The following MMS22L variants were observed in gnomAD, a reference collection of about 807,000 sequenced individuals.
MMS22L encodes protein MMS22-like.
A neutral mutation model predicts 159.1 loss-of-function variants in MMS22L; 74 were observed. That is an observed-to-expected ratio of 0.47 (90% CI 0.39 to 0.56). The LOEUF is 0.56. Among genes scored for constraint, MMS22L ranks in the 20% least tolerant of loss-of-function variants. The pLI, the probability that MMS22L is intolerant of heterozygous loss-of-function variation, is 0.00. For synonymous variants in MMS22L, 517 were observed against 506.9 expected, an observed-to-expected ratio of 1.02 and a Z score of -0.27; for missense variants, 1,351 against 1,422.1, an observed-to-expected ratio of 0.95 and a Z score of 0.80.
At position 97,165,440 on chromosome 6, in the gene MMS22L, A is replaced by G; in HGVS notation, c.3027T>C (p.Cys1009=). 1 of 1,612,162 alleles carries G rather than the reference A, an allele frequency of 6.2e-7. No homozygotes were observed. Among genetic ancestry groups the G allele is most frequent in the Non-Finnish European group, 8.5e-7 (1 of 1,179,192 alleles). The change falls in exon 21 of 25, where the codon TGT becomes TGC. Residue 1009 remains cysteine (C), a synonymous_variant. Coordinates refer to ENST00000683635, the MANE Select transcript of MMS22L (RefSeq NM_001350599.2). Reference sequence around the variant, plus strand: ...AGGCATTCGGATTTTGAGATTGACAACACACGATACACATGCCCTACAAGG... The same window carrying G: ...AGGCATTCGGATTTTGAGATTGACAGCACACGATACACATGCCCTACAAGG... ...PLYLQGMCIV[C]CQSQNPNAYL...
chr6:97,244,138 T>C (rs1230279138), intron 11 of MMS22L, among the ~76,000 whole-genome samples: 1 of 152,228 alleles, frequency 6.6e-6, no homozygotes, highest in Non-Finnish European at 1.5e-5. Context: ...GTTTTCTCCT[T>C]CCTTGGTGCA....
chr6:97,257,191 A>G (rs1813904965), intron 9 of MMS22L, among the ~76,000 whole-genome samples: 2 of 152,322 alleles, frequency 1.3e-5, no homozygotes, highest in African/African-American at 4.8e-5. Context: ...AGTTAGAAGT[A>G]TATCAGACAT....
chr6:97,173,820 A>C (rs1028597210), intron 18 of MMS22L, among the ~76,000 whole-genome samples: 2 of 152,164 alleles, frequency 1.3e-5, no homozygotes, highest in African/African-American at 4.8e-5. Context: ...GAGGTGAATC[A>C]GTAAGAGAAG....
chr6:97,229,081 G>A lies in MMS22L; in HGVS notation c.1852C>T (p.Gln618Ter). The part of the protein sequence containing the change: ...VSKNEEMVQR[Q>*]TIWTLLSIYI... ...ATGGAAAGAAGGGTCCAGATAGTCT[G>A]TCTCTGTACCATTTCCTCATTCTTA... The change falls in exon 14 of 25, where the codon CAG (glutamine) becomes TAG (stop). Residue 618 changes from glutamine to a stop codon, truncating the protein, a stop_gained. Coordinates refer to ENST00000683635, the MANE Select transcript of MMS22L (RefSeq NM_001350599.2). LOFTEE classifies it high-confidence loss of function. 6.2e-7 allele frequency: 1 copy of A among 1,613,824 alleles called. No homozygotes were observed. The highest frequency in any genetic ancestry group is 8.5e-7 in the Non-Finnish European group (1 of 1,179,742).
At chr6:97,214,558 C>T (rs1210635739) in intron 14 of MMS22L, among the ~76,000 whole-genome samples, 1 of 152,028 alleles carries the variant, frequency 6.6e-6, no homozygotes, top group Non-Finnish European at 1.5e-5. Context: ...AATCCATCTA[C>T]ATTTTCTAAG....
At chr6:97,147,888 G>C (rs1357534684) in intron 24 of MMS22L, among the ~76,000 whole-genome samples, 2 of 152,178 alleles carry the variant, frequency 1.3e-5, no homozygotes, top group East Asian at 3.9e-4. Context: ...AATCAACATA[G>C]TCATGTCTTC....
At position 97,272,866 on chromosome 6, in the gene MMS22L, C is replaced by G; in HGVS notation, c.444G>C (p.Gln148His). The change falls in exon 6 of 25, where the codon CAG (glutamine) becomes CAC (histidine). Residue 148 changes from glutamine to histidine, a missense_variant. Coordinates refer to ENST00000683635, the MANE Select transcript of MMS22L (RefSeq NM_001350599.2). ...GGACAGGAACATGACTCTCAGCATT[C>G]TGTACTTTCAGATACCTAAAAAATA... ...KVFIFRYLKV[Q>H]NAESHVPVHP... The G allele has an allele frequency of 2.5e-6, 4 of 1,611,998 alleles. No homozygotes were observed. The highest frequency in any genetic ancestry group is 3.4e-6 in the Non-Finnish European group (4 of 1,179,528).
intron 14 of MMS22L, among the ~76,000 whole-genome samples, chr6:97,193,587 A>G (rs1275254654): frequency 6.6e-6 from 1 of 152,158 alleles, no homozygotes; most frequent in Admixed American, 6.5e-5. Flanking sequence ...AGTAGTTCCC[A>G]ATGTTGACTA....
At chr6:97,265,607 A>G (rs1416199344) in intron 8 of MMS22L, 1 of 152,182 alleles carries the variant, frequency 6.6e-6, no homozygotes, top group Non-Finnish European at 1.5e-5. Flanking sequence ...CAAACCATAC[A>G]TCTGATAAGG....
In MMS22L at chr6:97,178,567, T is replaced by C. The variant is rs1582480683; in HGVS notation, c.2555A>G (p.Gln852Arg). 2 of 1,534,278 alleles carry C rather than the reference T, an allele frequency of 1.3e-6. No individual in the cohort carries two copies. Among genetic ancestry groups the C allele is most frequent in the Non-Finnish European group, 1.8e-6 (2 of 1,123,164 alleles). The change falls in exon 18 of 25, where the codon CAG becomes CGG. Residue 852 changes from glutamine (Q) to arginine (R), a missense_variant. Physicochemically the swap from Gln to Arg is conservative, Grantham distance 43. Coordinates refer to ENST00000683635, the MANE Select transcript of MMS22L (RefSeq NM_001350599.2). ...EEAVEKEYMK[Q>R]LVKLTRLLFN... ...TAGTAATCTTGTCAGTTTGACCAAC[T>C]GTTTCATGTACTCTTTTTCTGTTAA...
At chr6:97,157,951 G>C (rs2128238815) in intron 22 of MMS22L, among the ~76,000 whole-genome samples, 1 of 152,188 alleles carries the variant, frequency 6.6e-6, no homozygotes, top group Non-Finnish European at 1.5e-5. Flanking sequence ...TCTGGTCCTA[G>C]GCTTTTTTTG....
At chr6:97,238,593 GT>G (rs1811697321) in intron 11 of MMS22L, among the ~76,000 whole-genome samples, 1 of 150,334 alleles carries the variant, frequency 6.7e-6, no homozygotes, top group African/African-American at 2.4e-5. Flanking sequence ...GTGTGTGTGT[GT>G]GTGTGTGTGT....
intron 22 of MMS22L, among the ~76,000 whole-genome samples, chr6:97,152,945 C>T (rs1194951022): frequency 1.3e-5 from 2 of 151,828 alleles, no homozygotes; most frequent in Non-Finnish European, 1.5e-5. Context: ...AAGCCATCCT[C>T]CCACCTCAGC....
At position 97,168,107 on chromosome 6, in the gene MMS22L, CAACATA is replaced by C. The variant is rs1562409939; in HGVS notation, c.2967_2972del (p.Met990_Leu991del). 6.2e-7 allele frequency: 1 copy of C among 1,612,532 alleles called. No homozygotes were observed. The highest frequency in any genetic ancestry group is 8.5e-7 in the Non-Finnish European group (1 of 1,179,148). On this transcript the variant is annotated inframe_deletion, in exon 20 of 25. Coordinates refer to ENST00000683635, the MANE Select transcript of MMS22L (RefSeq NM_001350599.2). ...AAGGAAGACTTTTCTGAATTGCTGA[CAACATA>C]GGTGCAGGCAGTTCCTTCTCTTGCT... is the stretch of plus-strand genomic sequence containing the variant.
chr6:97,226,217 G>T (rs72934686), intron 14 of MMS22L, among the ~76,000 whole-genome samples: 4,084 of 152,224 alleles, frequency 0.027, 91 homozygotes, highest in Middle Eastern at 0.075. Flanking sequence ...AATTAGGTAG[G>T]TTTTCATGTT....
At chr6:97,210,186 A>C (rs1808226230) in intron 14 of MMS22L, among the ~76,000 whole-genome samples, 1 of 151,842 alleles carries the variant, frequency 6.6e-6, no homozygotes, top group Non-Finnish European at 1.5e-5. Flanking sequence ...TAAAAATCTT[A>C]TATATCCTTA....
chr6:97,221,829 T>C (rs539584383), intron 14 of MMS22L, among the ~76,000 whole-genome samples: 7 of 152,126 alleles, frequency 4.6e-5, no homozygotes, highest in African/African-American at 1.7e-4. Context: ...AAATTATATA[T>C]AATGAAAGAG....
intron 4 of MMS22L, 146 bp from the exon 5 acceptor site, chr6:97,273,208 C>G: frequency 1.5e-6 from 1 of 663,604 alleles, no homozygotes; most frequent in Non-Finnish European, 2.5e-6. Context: ...CTCCCCGCTA[C>G]TCCTCAAAAA....
intron 8 of MMS22L, chr6:97,264,414 G>A (rs987663315): frequency 6.6e-6 from 1 of 151,294 alleles, no homozygotes; most frequent in East Asian, 1.9e-4. Flanking sequence ...TGCACAGAAT[G>A]TACACTATAT....
Sources: gnomAD v4.1 joint callset for allele counts (sites outside exome capture counted in the v4.1 genomes callset) on GRCh38, gnomAD v4.1.1 for gene constraint, MANE v1.5 for transcripts, NCBI Gene and HGNC (gene_info 2026-07-23, HGNC 2026-07-21) for gene names.